Variants in ANO2 observed in about 807,000 individuals in gnomAD.
ANO2 encodes anoctamin 2, also known as anoctamin-2.
Under a neutral mutation model 124.2 loss-of-function variants are expected in ANO2, and 101 were observed. That is an observed-to-expected ratio of 0.81 (90% CI 0.69 to 0.96). The LOEUF is 0.96. Ranked by LOEUF, ANO2 falls within the 40% of genes least tolerant of loss-of-function variation. The pLI, the probability that ANO2 is intolerant of heterozygous loss-of-function variation, is 0.00. For synonymous variants in ANO2, 486 were observed against 482.5 expected (o/e 1.01, Z -0.09); for missense variants, 1,293 against 1,274.5 (o/e 1.01, Z -0.22).
chr12:5,906,347 TA>T (rs751453765), intron 3 of ANO2, among the ~76,000 whole-genome samples: 12,400 of 132,604 alleles, frequency 0.094, 1,390 homozygotes, highest in African/African-American at 0.28. Context: ...CACACATTGT[TA>T]AAAAAAAAAA....
chr12:5,577,156 T>G (rs542727467), intron 22 of ANO2, among the ~76,000 whole-genome samples: 1 of 152,370 alleles, frequency 6.6e-6, no homozygotes, highest in South Asian at 2.1e-4. Context: ...AGATGTGCAC[T>G]TCCTACATCA....
chr12:5,926,259 T>G (rs1351459700), intron 1 of ANO2, among the ~76,000 whole-genome samples: 1 of 152,054 alleles, frequency 6.6e-6, no homozygotes, highest in Non-Finnish European at 1.5e-5. Flanking sequence ...CTTCCATGAG[T>G]CCCACCCTAG....
intron 7 of ANO2, among the ~76,000 whole-genome samples, chr12:5,812,971 A>AG (rs201347168): frequency 0.3 from 39,694 of 130,886 alleles, 6,506 homozygotes; most frequent in Non-Finnish European, 0.36. Context: ...AGAGGGAGGG[A>AG]GGAAGGAAGG....
intron 20 of ANO2, among the ~76,000 whole-genome samples, chr12:5,580,724 A>G (rs1163869016): frequency 1.3e-5 from 2 of 152,226 alleles, no homozygotes; most frequent in Non-Finnish European, 2.9e-5. Context: ...GGGAACAGGC[A>G]TGGAACTTTC....
At chr12:5,688,483 CCAAA>C (rs1948794566) in intron 14 of ANO2, among the ~76,000 whole-genome samples, 1 of 152,164 alleles carries the variant, frequency 6.6e-6, no homozygotes, top group South Asian at 2.1e-4. Context: ...CCAGCTGTCT[CCAAA>C]CAAAGGTTTG....
At chr12:5,585,213 C>T (rs1380260904) in intron 20 of ANO2, among the ~76,000 whole-genome samples, 3 of 151,868 alleles carry the variant, frequency 2.0e-5, no homozygotes, top group South Asian at 2.1e-4. Flanking sequence ...TAGTTAAGGT[C>T]GTTCCTGCAA....
At chr12:5,866,662 T>C (rs1478183329) in intron 3 of ANO2, among the ~76,000 whole-genome samples, 2 of 152,192 alleles carry the variant, frequency 1.3e-5, no homozygotes, top group Non-Finnish European at 2.9e-5. Context: ...CAGAGAGGAA[T>C]GTGCAGCATG....
chr12:5,692,637 T>C (rs1948992875), intron 14 of ANO2, among the ~76,000 whole-genome samples: 1 of 152,074 alleles, frequency 6.6e-6, no homozygotes, highest in African/African-American at 2.4e-5. Context: ...AGTGCCCAAG[T>C]GTGGGCTGCC....
At chr12:5,824,590 G>A (rs59806548) in intron 7 of ANO2, among the ~76,000 whole-genome samples, 5,475 of 152,242 alleles carry the variant, frequency 0.036, 145 homozygotes, top group African/African-American at 0.066. Context: ...CAAGTCTCTA[G>A]GAAGTTCCAA....
chr12:5,606,338 A>G (rs1440178860), intron 19 of ANO2, among the ~76,000 whole-genome samples: 1 of 152,206 alleles, frequency 6.6e-6, no homozygotes, highest in Non-Finnish European at 1.5e-5. Context: ...CTCTCTCATT[A>G]CCATCAAGAA....
intron 1 of ANO2, among the ~76,000 whole-genome samples, chr12:5,930,473 G>T (rs373266464): frequency 1.6e-4 from 24 of 152,244 alleles, no homozygotes; most frequent in African/African-American, 5.8e-4. Flanking sequence ...ACTCGATCAG[G>T]AAAGACCCTG....
At chr12:5,705,202 A>G (rs899640821) in intron 14 of ANO2, among the ~76,000 whole-genome samples, 8 of 152,352 alleles carry the variant, frequency 5.3e-5, no homozygotes, top group South Asian at 2.1e-4. Flanking sequence ...GGTGTTAGCT[A>G]TGTGGGTAGT....
At chr12:5,567,117 G>T (rs570527915) in intron 23 of ANO2, among the ~76,000 whole-genome samples, 2 of 152,180 alleles carry the variant, frequency 1.3e-5, no homozygotes, top group Non-Finnish European at 2.9e-5. Context: ...CTGGGGACTC[G>T]ACTAGGGCTT....
At chr12:5,666,765 G>GC (rs896805264) in intron 14 of ANO2, among the ~76,000 whole-genome samples, 74 of 144,706 alleles carry the variant, frequency 5.1e-4, no homozygotes, top group African/African-American at 1.7e-3. Flanking sequence ...GCAGCAGCTG[G>GC]CCCCCCCACC....
chr12:5,736,709 G>A (rs1950879616), intron 13 of ANO2, among the ~76,000 whole-genome samples: 1 of 152,046 alleles, frequency 6.6e-6, no homozygotes, highest in East Asian at 1.9e-4. Context: ...TAGCAATCAG[G>A]ACCCTCCCTG....
intron 3 of ANO2, among the ~76,000 whole-genome samples, chr12:5,856,097 G>C (rs1955088921): frequency 6.6e-6 from 1 of 152,136 alleles, no homozygotes; most frequent in Admixed American, 6.5e-5. Flanking sequence ...TTCCAACTAA[G>C]TGAAAATAAA....
At chr12:5,802,840 A>G (rs1401346148) in intron 9 of ANO2, among the ~76,000 whole-genome samples, 1 of 152,246 alleles carries the variant, frequency 6.6e-6, no homozygotes, top group Non-Finnish European at 1.5e-5. Flanking sequence ...GCCTGATTCC[A>G]GAGCCCTGGA....
At chr12:5,833,724 G>A (rs757557846) in intron 4 of ANO2, among the ~76,000 whole-genome samples, 4 of 151,654 alleles carry the variant, frequency 2.6e-5, no homozygotes, top group Non-Finnish European at 4.4e-5. Context: ...AACTGCACAT[G>A]TGAGGGATCT....
At position 5,737,237 on chromosome 12, in the gene ANO2, C is replaced by T. The variant is rs970443939; in HGVS notation, c.1434+2080G>A. 5.3e-5 allele frequency among the ~76,000 whole-genome samples: 8 copies of T among 152,236 alleles called. No homozygotes were observed. In the East Asian group the frequency reaches 5.8e-4, roughly 11 times the overall value. ...CAACCAGCCTTGCAGCAACCTCACA[C>T]GGAGATCCCATCCGGAAAGTCTCCT... On this transcript the variant is annotated intron_variant, in intron 13 of 24. Transcript: ENST00000682330.
Sources: allele counts gnomAD v4.1 joint callset (sites outside exome capture counted in the v4.1 genomes callset), GRCh38; gene constraint gnomAD v4.1.1; transcripts MANE v1.5; gene names NCBI Gene and HGNC (gene_info 2026-07-23, HGNC 2026-07-21).